NEK7: variants seen among roughly 807,000 people sequenced by gnomAD.
NEK7 encodes NIMA related kinase 7, also known as serine/threonine-protein kinase Nek7.
Under a neutral mutation model 44.6 loss-of-function variants are expected in NEK7, and 18 were observed. That is an observed-to-expected ratio of 0.40 (90% CI 0.28 to 0.60). The LOEUF is 0.60. Ranked by LOEUF, NEK7 falls within the 20% of genes least tolerant of loss-of-function variation. The pLI, the probability that NEK7 is intolerant of heterozygous loss-of-function variation, is 0.38. For synonymous variants in NEK7, 130 were observed against 121.1 expected (o/e 1.07, Z -0.48); for missense variants, 256 against 366.5 (o/e 0.70, Z 2.46).
At chr1:198,314,600 G>C (rs1024742069) in intron 9 of NEK7, among the ~76,000 whole-genome samples, 1 of 152,184 alleles carries the variant, frequency 6.6e-6, no homozygotes, top group Non-Finnish European at 1.5e-5. Context: ...GTGATGTACA[G>C]GTGGGTTTTT....
chr1:198,301,606 A>G (rs1446729690), intron 9 of NEK7, among the ~76,000 whole-genome samples: 2 of 152,210 alleles, frequency 1.3e-5, no homozygotes, highest in African/African-American at 2.4e-5. Context: ...TTGAGGAGAT[A>G]GATTTGGAAG....
chr1:198,312,873 T>G (rs1252470659), intron 9 of NEK7, among the ~76,000 whole-genome samples: 1 of 152,184 alleles, frequency 6.6e-6, no homozygotes, highest in Admixed American at 6.5e-5. Context: ...GTGGTCAATT[T>G]TGGAATAGGT....
intron 5 of NEK7, among the ~76,000 whole-genome samples, chr1:198,271,703 A>G (rs550326837): frequency 2.0e-5 from 3 of 151,914 alleles, no homozygotes; most frequent in East Asian, 1.9e-4. Flanking sequence ...GACAAAGTGT[A>G]TAGCCCATAT....
At chr1:198,308,030 A>AT (rs1655066717) in intron 9 of NEK7, among the ~76,000 whole-genome samples, 1 of 152,076 alleles carries the variant, frequency 6.6e-6, no homozygotes, top group Non-Finnish European at 1.5e-5. Context: ...TCATTCTTGG[A>AT]TTTTTCATCT....
chr1:198,226,357 C>A (rs140483811), intron 1 of NEK7, among the ~76,000 whole-genome samples: 1,691 of 151,936 alleles, frequency 0.011, 19 homozygotes, highest in Middle Eastern at 0.041. Flanking sequence ...CCAGCCTGAC[C>A]AACATGGTAA....
intron 1 of NEK7, among the ~76,000 whole-genome samples, chr1:198,197,213 G>A (rs1326105993): frequency 2.6e-5 from 4 of 152,110 alleles, no homozygotes; most frequent in Non-Finnish European, 5.9e-5. Context: ...GTCATTTACT[G>A]TATAATATTG....
chr1:198,315,808 A>C (rs1318619331), intron 9 of NEK7, among the ~76,000 whole-genome samples: 1 of 152,210 alleles, frequency 6.6e-6, no homozygotes, highest in African/African-American at 2.4e-5. Flanking sequence ...CTAATATTTC[A>C]GTTTTAAACA....
intron 2 of NEK7, among the ~76,000 whole-genome samples, chr1:198,245,016 A>G (rs1666795139): frequency 1.3e-5 from 2 of 152,254 alleles, no homozygotes; most frequent in South Asian, 2.1e-4. Flanking sequence ...CAGAAAGTCA[A>G]TTAACACATG....
intron 2 of NEK7, among the ~76,000 whole-genome samples, chr1:198,248,267 A>T (rs1666891313): frequency 6.6e-6 from 1 of 152,200 alleles, no homozygotes; most frequent in South Asian, 2.1e-4. Flanking sequence ...GTAAAAGGTG[A>T]TATTCCAACT....
chr1:198,311,839 C>T (rs1332933555), intron 9 of NEK7, among the ~76,000 whole-genome samples: 8 of 152,058 alleles, frequency 5.3e-5, no homozygotes, highest in Non-Finnish European at 8.8e-5. Flanking sequence ...ATTCGGTTTG[C>T]CAGTATTTTA....
At chr1:198,296,983 G>A (rs1222306697) in intron 8 of NEK7, 144 bp from the exon 9 acceptor site, 7 of 523,268 alleles carry the variant, frequency 1.3e-5, no homozygotes, top group Non-Finnish European at 2.3e-5. Flanking sequence ...TTCCTCAGAA[G>A]GGGATATTCA....
At chr1:198,243,679 T>G (rs1374451709) in intron 2 of NEK7, among the ~76,000 whole-genome samples, 1 of 152,210 alleles carries the variant, frequency 6.6e-6, no homozygotes, top group African/African-American at 2.4e-5. Context: ...TGGTCACTCA[T>G]TTTTCTTACA....
intron 1 of NEK7, among the ~76,000 whole-genome samples, chr1:198,172,589 G>A (rs1201289682): frequency 6.6e-6 from 1 of 152,122 alleles, no homozygotes; most frequent in Non-Finnish European, 1.5e-5. Flanking sequence ...ATACCATCTT[G>A]GTGCTGAGAC....
At chr1:198,188,812 C>T (rs75163205) in intron 1 of NEK7, among the ~76,000 whole-genome samples, 4,172 of 152,096 alleles carry the variant, frequency 0.027, 89 homozygotes, top group Middle Eastern at 0.061. Flanking sequence ...ATTTATGTCG[C>T]GAAGTCATCC....
At chr1:198,291,193 T>C (rs1654541482) in intron 7 of NEK7, among the ~76,000 whole-genome samples, 1 of 152,192 alleles carries the variant, frequency 6.6e-6, no homozygotes, top group Non-Finnish European at 1.5e-5. Context: ...CCTTCAAGCC[T>C]CAGTGTTTTC....
chr1:198,248,869 C>CTTTTA (rs200934293), intron 2 of NEK7, among the ~76,000 whole-genome samples: 7 of 151,166 alleles, frequency 4.6e-5, no homozygotes, highest in South Asian at 2.1e-4. Flanking sequence ...TCTGCAATTG[C>CTTTTA]TTTTATTTTA....
At chr1:198,228,634 T>C (rs953588276) in intron 1 of NEK7, among the ~76,000 whole-genome samples, 1 of 152,190 alleles carries the variant, frequency 6.6e-6, no homozygotes, top group African/African-American at 2.4e-5. Flanking sequence ...GAAGCAATTG[T>C]GAATGGGAGT....
At chr1:198,262,493 T>G in intron 3 of NEK7, 82 bp from the exon 4 acceptor site, 1 of 836,704 alleles carries the variant, frequency 1.2e-6, no homozygotes, top group Non-Finnish European at 1.9e-6. Flanking sequence ...AATAATTACA[T>G]GTAGAGTATT....
At chr1:198,205,043 C>T (rs973912911) in intron 1 of NEK7, among the ~76,000 whole-genome samples, 1 of 152,032 alleles carries the variant, frequency 6.6e-6, no homozygotes, top group African/African-American at 2.4e-5. Context: ...CCCCGTCCCC[C>T]CTTCCTTCTT....
Sources: allele counts gnomAD v4.1 joint callset (sites outside exome capture counted in the v4.1 genomes callset), GRCh38; gene constraint gnomAD v4.1.1; transcripts MANE v1.5; gene names NCBI Gene and HGNC (gene_info 2026-07-23, HGNC 2026-07-21).